Variants in RANBP2 observed in about 807,000 individuals in gnomAD.
The protein encoded by RANBP2 is E3 SUMO-protein ligase RanBP2.
Under a neutral mutation model 303.6 loss-of-function variants are expected in RANBP2, and 57 were observed. That is an observed-to-expected ratio of 0.19 (90% CI 0.15 to 0.23). RANBP2 has a LOEUF of 0.23. Ranked by LOEUF, RANBP2 falls within the 10% of genes least tolerant of loss-of-function variation. RANBP2 has a pLI of 1.00. For missense variants in RANBP2, 3,138 were observed against 3,780.8 expected (o/e 0.83, Z 4.46); for synonymous variants, 1,167 against 1,301.5 (o/e 0.90, Z 2.23).
At chr2:108,771,934 G>A (rs1677533879) in intron 21 of RANBP2, 63 bp downstream of exon 21, 3 of 1,599,558 alleles carry the variant, frequency 1.9e-6, no homozygotes, top group Non-Finnish European at 2.6e-6. Context: ...TTGGGAGTAT[G>A]GTTTAATTAT....
the RANBP2 span, chr2:108,895,882 G>T: frequency 1.3e-5 from 2 of 152,230 alleles, no homozygotes; most frequent in Non-Finnish European, 2.9e-5. Flanking sequence ...ACAAGTCTTA[G>T]ATGCTCTTGA....
the RANBP2 span, among the ~76,000 whole-genome samples, chr2:109,738,768 C>A: frequency 7.2e-6 from 1 of 138,436 alleles, no homozygotes; most frequent in Non-Finnish European, 1.6e-5. Context: ...CACATTTGTC[C>A]ATTTTTGCTC....
the RANBP2 span, among the ~76,000 whole-genome samples, chr2:109,280,719 C>T: frequency 1.4e-4 from 22 of 152,164 alleles, no homozygotes; most frequent in African/African-American, 4.8e-4. Context: ...TATCTGGAGA[C>T]GTTGGAAATG....
the RANBP2 span, among the ~76,000 whole-genome samples, chr2:109,468,465 G>C: frequency 6.6e-6 from 1 of 152,170 alleles, no homozygotes; most frequent in African/African-American, 2.4e-5. Flanking sequence ...AACACATCAT[G>C]CTGCTTGGTC....
At chr2:109,213,343 T>C in the RANBP2 span, among the ~76,000 whole-genome samples, 1 of 152,182 alleles carries the variant, frequency 6.6e-6, no homozygotes, top group Admixed American at 6.5e-5. Context: ...CCCGGGCATC[T>C]TGTCCTCCAG....
the RANBP2 span, among the ~76,000 whole-genome samples, chr2:109,533,325 A>G: frequency 2.6e-5 from 4 of 152,338 alleles, no homozygotes; most frequent in South Asian, 2.1e-4. Context: ...GAACAGCAGG[A>G]CGTCTGTTTA....
the RANBP2 span, among the ~76,000 whole-genome samples, chr2:109,043,228 C>A: frequency 6.6e-6 from 1 of 152,268 alleles, no homozygotes; most frequent in East Asian, 1.9e-4. Flanking sequence ...ACCTTTAGTG[C>A]GTCATTTGTA....
At chr2:109,708,970 C>T in the RANBP2 span, among the ~76,000 whole-genome samples, 4 of 146,184 alleles carry the variant, frequency 2.7e-5, no homozygotes, top group East Asian at 4.2e-4. Flanking sequence ...GAGCAAGGCT[C>T]CCTCTCAAAA....
the RANBP2 span, chr2:109,614,929 C>A: frequency 6.6e-7 from 1 of 1,505,036 alleles, no homozygotes; most frequent in South Asian, 1.3e-5. Flanking sequence ...CACTGGCCGC[C>A]CCTGAGCGCC....
chr2:108,786,753 CTGCGGCCGCGT>C (rs1350639120), downstream of RANBP2: 1 of 1,433,302 alleles, frequency 7.0e-7, no homozygotes, highest in East Asian at 2.5e-5. Context: ...TCGTGACGCA[CTGCGGCCGCGT>C]AGCGCCGCGG....
the RANBP2 span, among the ~76,000 whole-genome samples, chr2:109,442,654 A>G: frequency 1.3e-5 from 2 of 152,222 alleles, no homozygotes; most frequent in Admixed American, 6.5e-5. Context: ...ATGTTATGAA[A>G]TCATTTGTAA....
intron 1 of RANBP2, among the ~76,000 whole-genome samples, chr2:108,723,109 T>C (rs1694406159): frequency 6.6e-6 from 1 of 152,100 alleles, no homozygotes; most frequent in South Asian, 2.1e-4. Flanking sequence ...TTTTTGGGCG[T>C]AAATGATCCA....
At chr2:109,296,314 G>T in the RANBP2 span, among the ~76,000 whole-genome samples, 28 of 151,922 alleles carry the variant, frequency 1.8e-4, no homozygotes, top group Admixed American at 8.5e-4. Flanking sequence ...TGCAACCCCT[G>T]CCTCCCAGGT....
chr2:109,222,531 A>G, the RANBP2 span, among the ~76,000 whole-genome samples: 1 of 152,060 alleles, frequency 6.6e-6, no homozygotes, highest in Admixed American at 6.5e-5. Flanking sequence ...GAGGGAGTGC[A>G]TTGTTGGAGG....
the RANBP2 span, among the ~76,000 whole-genome samples, chr2:109,324,409 G>A: frequency 4.6e-5 from 7 of 152,192 alleles, no homozygotes; most frequent in East Asian, 1.4e-3. Flanking sequence ...ATTCCCACCG[G>A]CAATGTATGA....
the RANBP2 span, among the ~76,000 whole-genome samples, chr2:109,219,347 G>T: frequency 6.6e-6 from 1 of 152,138 alleles, no homozygotes; most frequent in Non-Finnish European, 1.5e-5. Flanking sequence ...CAAGTAAAAT[G>T]TTAAAAAATT....
At chr2:109,381,251 C>A in the RANBP2 span, among the ~76,000 whole-genome samples, 1 of 152,222 alleles carries the variant, frequency 6.6e-6, no homozygotes, top group Non-Finnish European at 1.5e-5. Context: ...GGCCTGCAGC[C>A]GGTGGAAGTA....
At chr2:109,698,096 G>C in the RANBP2 span, among the ~76,000 whole-genome samples, 1 of 152,132 alleles carries the variant, frequency 6.6e-6, no homozygotes, top group African/African-American at 2.4e-5. Flanking sequence ...CTGACCTCAG[G>C]TGATCCACCT....
intron 1 of RANBP2, among the ~76,000 whole-genome samples, chr2:108,728,141 G>A (rs1458344462): frequency 1.3e-5 from 2 of 152,154 alleles, no homozygotes; most frequent in African/African-American, 4.8e-5. Flanking sequence ...TAGGAAAAGA[G>A]ATTTCTGGAA....
Sources: gnomAD v4.1 joint callset for allele counts (sites outside exome capture counted in the v4.1 genomes callset) on GRCh38, gnomAD v4.1.1 for gene constraint, MANE v1.5 for transcripts, NCBI Gene and HGNC (gene_info 2026-07-23, HGNC 2026-07-21) for gene names.